The following ZBTB20 variants were observed in gnomAD, a reference collection of about 807,000 sequenced individuals.
ZBTB20 encodes zinc finger and BTB domain containing 20, also known as zinc finger and BTB domain-containing protein 20.
Under a neutral mutation model 56.9 loss-of-function variants are expected in ZBTB20, and 9 were observed. The ratio of observed to expected loss-of-function variants is 0.16; its 90% CI spans 0.10 to 0.28. ZBTB20 has a LOEUF of 0.28. Among genes scored for constraint, ZBTB20 ranks in the 10% least tolerant of loss-of-function variants. The pLI, the probability that ZBTB20 is intolerant of heterozygous loss-of-function variation, is 1.00. For missense variants in ZBTB20, 655 were observed against 1,003.0 expected (o/e 0.65, Z 4.69); for synonymous variants, 417 against 420.7 (o/e 0.99, Z 0.11).
intron 6 of ZBTB20, among the ~76,000 whole-genome samples, chr3:114,661,272 A>G (rs576521805): frequency 1.3e-5 from 2 of 152,266 alleles, no homozygotes; most frequent in Admixed American, 1.3e-4. Context: ...AAAAAAGGGT[A>G]AGAAAGAAAA....
At chr3:114,446,496 C>T in intron 7 of ZBTB20, among the ~76,000 whole-genome samples, 1 of 152,234 alleles carries the variant, frequency 6.6e-6, no homozygotes, top group African/African-American at 2.4e-5. Context: ...TGTCACAGTA[C>T]AACATTTAGA....
chr3:114,545,354 AC>A (rs569738725), intron 6 of ZBTB20, among the ~76,000 whole-genome samples: 34 of 152,290 alleles, frequency 2.2e-4, no homozygotes, highest in African/African-American at 7.7e-4. Context: ...CCATTTGTAT[AC>A]CACTTTTTAG....
intron 4 of ZBTB20, among the ~76,000 whole-genome samples, chr3:114,807,684 G>A (rs1202260719): frequency 2.0e-5 from 3 of 151,940 alleles, no homozygotes; most frequent in Non-Finnish European, 4.4e-5. Context: ...TATTCCTTTT[G>A]TTGAAAGATT....
chr3:114,561,175 T>C (rs2051997508), intron 6 of ZBTB20, among the ~76,000 whole-genome samples: 1 of 152,208 alleles, frequency 6.6e-6, no homozygotes, highest in Admixed American at 6.5e-5. Flanking sequence ...GTTATTTTCA[T>C]CACATTATGT....
At chr3:114,455,605 T>G (rs1247690715) in intron 7 of ZBTB20, among the ~76,000 whole-genome samples, 1 of 152,072 alleles carries the variant, frequency 6.6e-6, no homozygotes, top group Non-Finnish European at 1.5e-5. Flanking sequence ...CGAATCTAGA[T>G]CTTGGAGGGA....
intron 6 of ZBTB20, among the ~76,000 whole-genome samples, chr3:114,619,991 T>C (rs1371603663): frequency 6.6e-6 from 1 of 152,190 alleles, no homozygotes; most frequent in Non-Finnish European, 1.5e-5. Flanking sequence ...ATTGACAAGC[T>C]GGAGGGACTG....
intron 10 of ZBTB20, 107 bp from the exon 11 acceptor site, chr3:114,351,985 A>G: frequency 7.2e-7 from 1 of 1,392,090 alleles, no homozygotes; most frequent in East Asian, 2.3e-5. Context: ...TCCTAGAAGC[A>G]CTGCCCTTAC....
intron 4 of ZBTB20, among the ~76,000 whole-genome samples, chr3:114,809,667 T>A (rs1476312835): frequency 6.6e-6 from 1 of 152,172 alleles, no homozygotes; most frequent in African/African-American, 2.4e-5. Flanking sequence ...ATCTGCTATC[T>A]CCACTTCAAC....
intron 10 of ZBTB20, among the ~76,000 whole-genome samples, chr3:114,375,231 T>C (rs1313086882): frequency 6.6e-6 from 1 of 152,216 alleles, no homozygotes; most frequent in Non-Finnish European, 1.5e-5. Flanking sequence ...TTTTATTTCA[T>C]CTGGTTTCAA....
At chr3:114,819,691 C>A (rs768169213) in intron 4 of ZBTB20, among the ~76,000 whole-genome samples, 3 of 151,664 alleles carry the variant, frequency 2.0e-5, no homozygotes, top group Non-Finnish European at 3.0e-5. Flanking sequence ...GAACCATGAT[C>A]ATACTAGAAA....
At chr3:114,803,267 A>G (rs2071854765) in intron 4 of ZBTB20, among the ~76,000 whole-genome samples, 1 of 151,698 alleles carries the variant, frequency 6.6e-6, no homozygotes, top group South Asian at 2.1e-4. Context: ...CAATCCAAAG[A>G]AAACAGAGCA....
chr3:115,067,970 A>T (rs1181144154), intron 2 of ZBTB20, among the ~76,000 whole-genome samples: 1 of 152,124 alleles, frequency 6.6e-6, no homozygotes, highest in Non-Finnish European at 1.5e-5. Flanking sequence ...GGGCCAATCC[A>T]GGCATATGAG....
chr3:114,794,946 A>T (rs967670364), intron 5 of ZBTB20, among the ~76,000 whole-genome samples: 1 of 152,140 alleles, frequency 6.6e-6, no homozygotes, highest in African/African-American at 2.4e-5. Context: ...CAGATAAAAA[A>T]TACATTCTAG....
chr3:114,855,534 G>T (rs1293834626), intron 4 of ZBTB20, among the ~76,000 whole-genome samples: 3 of 152,168 alleles, frequency 2.0e-5, no homozygotes, highest in Non-Finnish European at 4.4e-5. Flanking sequence ...AAATGTCCGA[G>T]TGATTCCTGG....
chr3:114,839,457 A>G (rs1052078259), intron 4 of ZBTB20, among the ~76,000 whole-genome samples: 3 of 151,160 alleles, frequency 2.0e-5, no homozygotes, highest in Non-Finnish European at 3.0e-5. Flanking sequence ...GAAAGAAAGA[A>G]AGAAAGAAAG....
intron 10 of ZBTB20, among the ~76,000 whole-genome samples, chr3:114,364,948 C>T (rs1434791856): frequency 1.3e-5 from 2 of 152,160 alleles, no homozygotes; most frequent in African/African-American, 2.4e-5. Context: ...TGGCTAAACA[C>T]CACACAGCAC....
chr3:114,739,000 G>T (rs1481031457), intron 5 of ZBTB20, among the ~76,000 whole-genome samples: 1 of 152,188 alleles, frequency 6.6e-6, no homozygotes, highest in Non-Finnish European at 1.5e-5. Flanking sequence ...GCGATCCTGG[G>T]CTCAGGTGAT....
At position 114,956,069 on chromosome 3, in the gene ZBTB20, G is replaced by C. The variant is rs184374445; in HGVS notation, c.-456+18297C>G. Reference sequence around the variant, plus strand: ...GTTCTACTACTGAAAATAATACCAAGGTCTCTAACGACAAGATAAACACAT... The same window carrying C: ...GTTCTACTACTGAAAATAATACCAACGTCTCTAACGACAAGATAAACACAT... On this transcript the variant is annotated intron_variant, in intron 3 of 11. Transcript: ENST00000675478. Among the ~76,000 whole-genome samples, 553 of 152,150 alleles carry C rather than the reference G, an allele frequency of 3.6e-3. 3 individuals are homozygous for C. Among genetic ancestry groups the C allele is most frequent in the African/African-American group, 0.013 (526 of 41,506 alleles).
intron 2 of ZBTB20, among the ~76,000 whole-genome samples, chr3:115,000,685 T>TA (rs2079210342): frequency 6.6e-6 from 1 of 151,658 alleles, no homozygotes; most frequent in South Asian, 2.1e-4. Context: ...GTGCGACTCA[T>TA]AAACATTTAA....
Sources: allele counts gnomAD v4.1 joint callset (sites outside exome capture counted in the v4.1 genomes callset), GRCh38; gene constraint gnomAD v4.1.1; transcripts MANE v1.5; gene names NCBI Gene and HGNC (gene_info 2026-07-23, HGNC 2026-07-21).